NXPH1: variants seen among roughly 807,000 people sequenced by gnomAD.
NXPH1 encodes the protein neurexophilin-1.
Under a neutral mutation model 23.7 loss-of-function variants are expected in NXPH1, and 5 were observed. The ratio of observed to expected loss-of-function variants is 0.21; its 90% CI spans 0.11 to 0.44. The LOEUF is 0.44. Ranked by LOEUF, NXPH1 falls within the 20% of genes least tolerant of loss-of-function variation. NXPH1 has a pLI of 0.99. For missense variants in NXPH1, 324 were observed against 321.6 expected, an observed-to-expected ratio of 1.01 and a Z score of -0.06; for synonymous variants, 144 against 122.2, an observed-to-expected ratio of 1.18 and a Z score of -1.18.
intron 2 of NXPH1, among the ~76,000 whole-genome samples, chr7:8,589,814 GTAGA>G (rs1461995268): frequency 1.3e-5 from 2 of 151,998 alleles, no homozygotes; most frequent in East Asian, 1.9e-4. Flanking sequence ...CCACCATCCA[GTAGA>G]TAGATAGCCA....
intron 2 of NXPH1, among the ~76,000 whole-genome samples, chr7:8,621,437 A>G (rs901351431): frequency 6.6e-6 from 1 of 151,990 alleles, no homozygotes; most frequent in Middle Eastern, 3.4e-3. Flanking sequence ...GAACTTTGGG[A>G]CAAAGCTCTT....
intron 2 of NXPH1, among the ~76,000 whole-genome samples, chr7:8,550,451 C>G (rs538661917): frequency 2.0e-4 from 31 of 151,702 alleles, no homozygotes; most frequent in African/African-American, 6.3e-4. Context: ...CCTGCACTTT[C>G]ATTCCTGAAG....
chr7:8,515,578 A>T (rs1817674494), intron 2 of NXPH1, among the ~76,000 whole-genome samples: 1 of 99,100 alleles, frequency 1.0e-5, no homozygotes, highest in African/African-American at 4.1e-5. Context: ...AAATGTATAT[A>T]TTGCACCAAA....
intron 2 of NXPH1, among the ~76,000 whole-genome samples, chr7:8,729,265 T>C (rs1780109228): frequency 6.7e-6 from 1 of 149,220 alleles, no homozygotes; most frequent in South Asian, 2.1e-4. Context: ...GGTCTATCAA[T>C]TTTGTTGATC....
At chr7:8,573,969 G>A (rs910277107) in intron 2 of NXPH1, among the ~76,000 whole-genome samples, 1 of 152,076 alleles carries the variant, frequency 6.6e-6, no homozygotes, top group Non-Finnish European at 1.5e-5. Flanking sequence ...ACCTTTAAAG[G>A]TGTACTCTGG....
At chr7:8,460,989 G>C (rs1324998873) in intron 2 of NXPH1, among the ~76,000 whole-genome samples, 1 of 152,072 alleles carries the variant, frequency 6.6e-6, no homozygotes, top group African/African-American at 2.4e-5. Flanking sequence ...TTTGTGTTTG[G>C]ATCTTTTCAA....
rs1779839267 is a variant in NXPH1, at chr7:8,714,049, G to A, written c.55-36959G>A. On this transcript the variant is annotated intron_variant, in intron 2 of 2. Coordinates refer to ENST00000405863, the MANE Select transcript of NXPH1 (RefSeq NM_152745.3). ...CAAAGCCAAACAAGGCCCTGGGTGG[G>A]TTCAGAAATGCAGTCTAGGATCCAG... 5.3e-5 allele frequency among the ~76,000 whole-genome samples: 8 copies of A among 152,324 alleles called. 1 individual carries two copies. The South Asian group carries it at 1.7e-3, about 32-fold the overall frequency.
At chr7:8,519,651 T>C (rs2128615427) in intron 2 of NXPH1, among the ~76,000 whole-genome samples, 2 of 152,324 alleles carry the variant, frequency 1.3e-5, no homozygotes, top group South Asian at 4.1e-4. Flanking sequence ...TCCTTGTGCC[T>C]TCTTCTCTCT....
chr7:8,535,054 C>G (rs1584217566), intron 2 of NXPH1, among the ~76,000 whole-genome samples: 1 of 152,028 alleles, frequency 6.6e-6, no homozygotes, highest in Non-Finnish European at 1.5e-5. Flanking sequence ...AAGTAAAGTG[C>G]AGTGTTCCAA....
At chr7:8,621,677 G>C (rs931148998) in intron 2 of NXPH1, among the ~76,000 whole-genome samples, 1 of 151,864 alleles carries the variant, frequency 6.6e-6, no homozygotes, top group African/African-American at 2.4e-5. Flanking sequence ...GTAGAGACAG[G>C]GTTTCACCAT....
chr7:8,718,449 CTG>C (rs1779912984), intron 2 of NXPH1, among the ~76,000 whole-genome samples: 1 of 152,148 alleles, frequency 6.6e-6, no homozygotes, highest in Admixed American at 6.6e-5. Context: ...TCTGAAAACT[CTG>C]TTAGACATTT....
At chr7:8,479,657 G>T (rs1584183480) in intron 2 of NXPH1, among the ~76,000 whole-genome samples, 1 of 152,100 alleles carries the variant, frequency 6.6e-6, no homozygotes, top group Admixed American at 6.6e-5. Context: ...CTAATTCCAG[G>T]TCTGGGGCAG....
intron 2 of NXPH1, among the ~76,000 whole-genome samples, chr7:8,697,990 TG>T (rs1020887982): frequency 1.5e-4 from 23 of 152,314 alleles, no homozygotes; most frequent in African/African-American, 5.1e-4. Flanking sequence ...AAATCATTGG[TG>T]GATTTAACCC....
At chr7:8,654,954 G>A (rs961313235) in intron 2 of NXPH1, among the ~76,000 whole-genome samples, 6 of 152,122 alleles carry the variant, frequency 3.9e-5, no homozygotes, top group Non-Finnish European at 8.8e-5. Flanking sequence ...TGTGTATATG[G>A]AAAATCAAGG....
At chr7:8,513,229 A>T (rs1214797817) in intron 2 of NXPH1, among the ~76,000 whole-genome samples, 1 of 152,104 alleles carries the variant, frequency 6.6e-6, no homozygotes, top group Non-Finnish European at 1.5e-5. Flanking sequence ...TGCAAAAGGA[A>T]CAGTCCAGGT....
intron 2 of NXPH1, among the ~76,000 whole-genome samples, chr7:8,574,267 TA>T (rs1818709030): frequency 6.6e-6 from 1 of 152,168 alleles, no homozygotes; most frequent in South Asian, 2.1e-4. Context: ...ACTGTTTTTT[TA>T]AATTTTCAAA....
Position 8,640,898 on chromosome 7 carries a change from G to A in NXPH1, c.55-110110G>A, listed in dbSNP as rs1015981949. The stretch of plus-strand genomic sequence containing the variant: ...GAGTCTGGGAGTTCAAGGCTGCAGT[G>A]AGCTGTCATCACACCACTGCACTCC... On this transcript the variant is annotated intron_variant, in intron 2 of 2. Coordinates refer to ENST00000405863, the MANE Select transcript of NXPH1 (RefSeq NM_152745.3). Among the ~76,000 whole-genome samples the A allele has an allele frequency of 2.6e-5, 4 of 152,090 alleles. No homozygotes were observed. In the South Asian group the frequency reaches 6.2e-4, roughly 24 times the overall value.
intron 2 of NXPH1, among the ~76,000 whole-genome samples, chr7:8,518,314 T>C (rs996383995): frequency 6.6e-5 from 10 of 152,098 alleles, no homozygotes; most frequent in African/African-American, 2.4e-4. Context: ...GGAAGGAGTG[T>C]AGTCCCAAAT....
intron 2 of NXPH1, among the ~76,000 whole-genome samples, chr7:8,674,162 G>C (rs1431403289): frequency 3.5e-5 from 3 of 86,100 alleles, no homozygotes; most frequent in South Asian, 3.6e-4. Flanking sequence ...CAAACATATA[G>C]ACACACACAC....
Sources: gnomAD v4.1 joint callset for allele counts (sites outside exome capture counted in the v4.1 genomes callset) on GRCh38, gnomAD v4.1.1 for gene constraint, MANE v1.5 for transcripts, NCBI Gene and HGNC (gene_info 2026-07-23, HGNC 2026-07-21) for gene names.